The following DOCK3 variants were observed in gnomAD, a reference collection of about 807,000 sequenced individuals.
DOCK3 encodes dedicator of cytokinesis protein 3.
A neutral mutation model predicts 265.6 loss-of-function variants in DOCK3; 60 were observed. That is an observed-to-expected ratio of 0.23 (90% CI 0.18 to 0.28). DOCK3 has a LOEUF of 0.28. Ranked by LOEUF, DOCK3 falls within the 10% of genes least tolerant of loss-of-function variation. The pLI is 1.00. For missense variants in DOCK3, 1,981 were observed against 2,594.3 expected (o/e 0.76, Z 5.14); for synonymous variants, 881 against 938.0 (o/e 0.94, Z 1.11).
At chr3:51,225,875 A>AC in intron 15 of DOCK3, 102 bp downstream of exon 15, 1 of 1,403,808 alleles carries the variant, frequency 7.1e-7, no homozygotes, top group Admixed American at 2.5e-5. Context: ...GATTAAAATC[A>AC]CCCCATCAGC....
At chr3:50,879,769 C>CT (rs200853184) in intron 3 of DOCK3, among the ~76,000 whole-genome samples, 8,701 of 152,258 alleles carry the variant, frequency 0.057, 878 homozygotes, top group African/African-American at 0.2. Flanking sequence ...CTCAGCTCTG[C>CT]ACCAAGTGGA....
intron 41 of DOCK3, 95 bp from the exon 42 acceptor site, chr3:51,355,994 C>G: frequency 6.6e-7 from 1 of 1,505,988 alleles, no homozygotes; most frequent in African/African-American, 1.4e-5. Context: ...GGAGCAGGGA[C>G]TATGGTGCAC....
At chr3:50,991,955 A>G (rs933043911) in intron 5 of DOCK3, among the ~76,000 whole-genome samples, 2 of 152,340 alleles carry the variant, frequency 1.3e-5, no homozygotes, top group African/African-American at 4.8e-5. Flanking sequence ...AAACCATGCA[A>G]TTAAATGGAA....
chr3:51,276,302 A>G, intron 25 of DOCK3: 2 of 934,190 alleles, frequency 2.1e-6, no homozygotes, highest in South Asian at 5.0e-5. Context: ...TCTTCTTCCC[A>G]CCAGGCCTCA....
At chr3:51,067,486 A>G (rs1452090777) in intron 6 of DOCK3, among the ~76,000 whole-genome samples, 6 of 148,032 alleles carry the variant, frequency 4.1e-5, no homozygotes, top group Non-Finnish European at 8.9e-5. Context: ...ATGTATATGC[A>G]TATCTTAATA....
intron 27 of DOCK3, among the ~76,000 whole-genome samples, chr3:51,281,878 T>C (rs1012024436): frequency 6.6e-6 from 1 of 152,132 alleles, no homozygotes; most frequent in Admixed American, 6.5e-5. Context: ...ACTTCTCCTG[T>C]GTTGGGCACA....
chr3:51,347,231 T>C (rs995115071), intron 38 of DOCK3, among the ~76,000 whole-genome samples: 22 of 152,210 alleles, frequency 1.4e-4, no homozygotes, highest in East Asian at 3.8e-4. Context: ...ATGTCCTGAA[T>C]GGTATTGCCT....
At chr3:51,216,060 G>A (rs1478206197) in intron 14 of DOCK3, among the ~76,000 whole-genome samples, 1 of 151,792 alleles carries the variant, frequency 6.6e-6, no homozygotes, top group Admixed American at 6.6e-5. Flanking sequence ...TAAAAATTAG[G>A]TATCTAGGCT....
intron 27 of DOCK3, among the ~76,000 whole-genome samples, chr3:51,301,402 C>G (rs2082354304): frequency 6.6e-6 from 1 of 151,232 alleles, no homozygotes; most frequent in East Asian, 1.9e-4. Context: ...ATGTCTCTAT[C>G]TCCTTTAGTT....
chr3:51,113,168 A>C (rs778449800), intron 9 of DOCK3, among the ~76,000 whole-genome samples: 4 of 151,976 alleles, frequency 2.6e-5, no homozygotes, highest in Non-Finnish European at 5.9e-5. Context: ...CTAGAGGGGG[A>C]GATAGAGGAT....
intron 1 of DOCK3, among the ~76,000 whole-genome samples, chr3:50,684,243 AT>A (rs1188826250): frequency 2.0e-5 from 3 of 152,108 alleles, no homozygotes; most frequent in Non-Finnish European, 4.4e-5. Flanking sequence ...ATCATGCTTA[AT>A]TTCATCTCTG....
chr3:51,243,469 A>G (rs1164890471), intron 21 of DOCK3, among the ~76,000 whole-genome samples: 1 of 151,434 alleles, frequency 6.6e-6, no homozygotes, highest in East Asian at 1.9e-4. Flanking sequence ...GTGTAAAGTG[A>G]TATTTCTTTA....
At chr3:51,114,393 T>C (rs962687723) in intron 9 of DOCK3, among the ~76,000 whole-genome samples, 1 of 152,152 alleles carries the variant, frequency 6.6e-6, no homozygotes, top group Admixed American at 6.5e-5. Context: ...GTGGCCAACA[T>C]TATTTCACAC....
chr3:50,961,811 G>T (rs1009875434), intron 5 of DOCK3, among the ~76,000 whole-genome samples: 3 of 152,004 alleles, frequency 2.0e-5, no homozygotes, highest in Non-Finnish European at 4.4e-5. Context: ...TTACTCCTTG[G>T]TCTTACTAAA....
chr3:51,355,094 C>G (rs1403325349), intron 41 of DOCK3, 71 bp downstream of exon 41: 2 of 1,543,028 alleles, frequency 1.3e-6, no homozygotes, highest in East Asian at 4.7e-5. Flanking sequence ...AGTCAGCTGC[C>G]CCTTTACCAC....
chr3:51,251,727 ATTTG>A (rs1226348407), intron 22 of DOCK3, among the ~76,000 whole-genome samples: 2 of 152,038 alleles, frequency 1.3e-5, no homozygotes, highest in Non-Finnish European at 2.9e-5. Flanking sequence ...TTTCTTGTAA[ATTTG>A]TTTAAGTTCT....
intron 1 of DOCK3, among the ~76,000 whole-genome samples, chr3:50,752,502 C>T (rs146749097): frequency 0.017 from 1,580 of 91,488 alleles, 38 homozygotes; most frequent in African/African-American, 0.06. Flanking sequence ...AGCGAGAGTC[C>T]GTCTCAAAAA....
chr3:51,019,105 T>C (rs1261252820), intron 5 of DOCK3, among the ~76,000 whole-genome samples: 1 of 151,836 alleles, frequency 6.6e-6, no homozygotes, highest in African/African-American at 2.4e-5. Flanking sequence ...GTGGTGTCTT[T>C]GGTGAACACA....
chr3:50,876,251 T>G (rs1171127609), intron 3 of DOCK3, among the ~76,000 whole-genome samples: 1 of 152,178 alleles, frequency 6.6e-6, no homozygotes, highest in Non-Finnish European at 1.5e-5. Context: ...AAATTAGTTT[T>G]ATTTGCCTCC....
Sources: allele counts gnomAD v4.1 joint callset (sites outside exome capture counted in the v4.1 genomes callset), GRCh38; gene constraint gnomAD v4.1.1; transcripts MANE v1.5; gene names NCBI Gene and HGNC (gene_info 2026-07-23, HGNC 2026-07-21).